ANK2: variants seen among roughly 807,000 people sequenced by gnomAD.
ANK2 encodes the protein ankyrin 2, also known as ankyrin-2.
A neutral mutation model predicts 360.5 loss-of-function variants in ANK2; 83 were observed. The observed-to-expected ratio is 0.23, with a 90% CI of 0.19 to 0.28. The LOEUF (loss-of-function observed/expected upper bound fraction) is 0.28, where lower values mean the gene tolerates loss of function less well. Ranked by LOEUF, ANK2 falls within the 10% of genes least tolerant of loss-of-function variation. ANK2 has a pLI of 1.00. For synonymous variants in ANK2, 1,740 were observed against 1,759.5 expected, an observed-to-expected ratio of 0.99 and a Z score of 0.28; for missense variants, 4,201 against 4,795.7, an observed-to-expected ratio of 0.88 and a Z score of 3.66.
Position 113,227,456 on chromosome 4 carries a change from C to A in ANK2, c.385-4705C>A, listed in dbSNP as rs79146785. Among the ~76,000 whole-genome samples the A allele has an allele frequency of 2.5e-3, 388 of 152,268 alleles. 2 individuals carry two copies. The highest frequency in any genetic ancestry group is 8.6e-3 in the African/African-American group (359 of 41,552). On this transcript the variant is annotated intron_variant, in intron 4 of 45. Coordinates refer to ENST00000357077, the MANE Select transcript of ANK2 (RefSeq NM_001148.6). ...ATGGTACTTCCTACCAAAATACATT[C>A]AACTTTTCTGCATCACCTATAACAA...
chr4:112,958,332 C>G (rs1487693418), intron 2 of ANK2, among the ~76,000 whole-genome samples: 1 of 152,238 alleles, frequency 6.6e-6, no homozygotes, highest in Non-Finnish European at 1.5e-5. Flanking sequence ...CAGACTCCAT[C>G]TGCAATCCCG....
the ANK2 span, among the ~76,000 whole-genome samples, chr4:112,719,089 C>G: frequency 1.3e-5 from 2 of 152,204 alleles, no homozygotes; most frequent in East Asian, 1.9e-4. Context: ...TGTGTCAGCT[C>G]TGTGACAAAT....
chr4:112,835,926 T>C (rs1437902127), intron 1 of ANK2, among the ~76,000 whole-genome samples: 1 of 152,142 alleles, frequency 6.6e-6, no homozygotes, highest in African/African-American at 2.4e-5. Flanking sequence ...TTCCCTAGGC[T>C]GTTTTCAGGA....
chr4:112,743,577 A>G, the ANK2 span, among the ~76,000 whole-genome samples: 1 of 91,668 alleles, frequency 1.1e-5, no homozygotes, highest in Non-Finnish European at 2.0e-5. Flanking sequence ...TTTTTTTGAG[A>G]CAGAGTTTCA....
intron 1 of ANK2, among the ~76,000 whole-genome samples, chr4:113,156,256 G>A (rs570784844): frequency 1.3e-5 from 2 of 150,450 alleles, no homozygotes; most frequent in South Asian, 4.2e-4. Context: ...CTTTTGTGTG[G>A]TATAGGCTAT....
intron 1 of ANK2, among the ~76,000 whole-genome samples, chr4:112,864,761 G>A (rs1039281674): frequency 6.6e-5 from 10 of 151,524 alleles, no homozygotes; most frequent in African/African-American, 2.4e-4. Context: ...AGCCGGGCGC[G>A]GTGGCTCAAG....
chr4:113,146,072 G>A, intron 1 of ANK2: 1 of 1,274,042 alleles, frequency 7.8e-7, no homozygotes. Context: ...AGACCTCATT[G>A]GTCAGACCTC....
chr4:113,340,843 C>T (rs1490962855), intron 32 of ANK2, among the ~76,000 whole-genome samples: 3 of 146,426 alleles, frequency 2.0e-5, no homozygotes, highest in Admixed American at 6.8e-5. Flanking sequence ...AGCGAGACAA[C>T]GTCTCAAAAA....
At chr4:113,200,310 C>T (rs13120716) in intron 4 of ANK2, among the ~76,000 whole-genome samples, 51,503 of 151,956 alleles carry the variant, frequency 0.34, 9,388 homozygotes, top group Non-Finnish European at 0.41. Context: ...GAGAAAGGTC[C>T]CTGCAGAAGC....
At position 113,285,025 on chromosome 4, in the gene ANK2, C is replaced by T. The variant is rs1193915995; in HGVS notation, c.2079+2153C>T. 3.3e-5 allele frequency among the ~76,000 whole-genome samples: 5 copies of T among 152,144 alleles called. No homozygotes were observed. The East Asian group carries it at 9.6e-4, about 29-fold the overall frequency. ...TAATCATTGTCCAAACACCATCTAT[C>T]ATAAAATAAAACCAAAAAAGATCCG... is the stretch of plus-strand genomic sequence containing the variant. On this transcript the variant is annotated intron_variant, in intron 18 of 45. Coordinates refer to ENST00000357077, the MANE Select transcript of ANK2 (RefSeq NM_001148.6).
At chr4:113,094,953 T>C (rs1312222214) in intron 1 of ANK2, among the ~76,000 whole-genome samples, 2 of 152,226 alleles carry the variant, frequency 1.3e-5, no homozygotes, top group Non-Finnish European at 1.5e-5. Flanking sequence ...ATGACTGGCC[T>C]CCAGTGGTGT....
At chr4:112,716,061 T>G in the ANK2 span, among the ~76,000 whole-genome samples, 23 of 152,116 alleles carry the variant, frequency 1.5e-4, no homozygotes, top group African/African-American at 5.6e-4. Flanking sequence ...CCTCTTCCCT[T>G]CCCCAAGGAC....
intron 4 of ANK2, among the ~76,000 whole-genome samples, chr4:113,216,218 G>T (rs376323863): frequency 6.6e-6 from 1 of 152,094 alleles, no homozygotes; most frequent in African/African-American, 2.4e-5. Flanking sequence ...AAATTATTTG[G>T]CAGTTTATTG....
chr4:112,968,559 C>T (rs2038221543), intron 2 of ANK2, among the ~76,000 whole-genome samples: 1 of 152,196 alleles, frequency 6.6e-6, no homozygotes, highest in Non-Finnish European at 1.5e-5. Flanking sequence ...TGCAAAGGCA[C>T]ATTCCCTGTA....
chr4:113,091,013 A>G (rs2087730431), intron 1 of ANK2, among the ~76,000 whole-genome samples: 1 of 152,176 alleles, frequency 6.6e-6, no homozygotes, highest in Non-Finnish European at 1.5e-5. Flanking sequence ...ATCAGTGACA[A>G]AGGATTGAGA....
intron 2 of ANK2, among the ~76,000 whole-genome samples, chr4:113,022,857 A>G (rs1300706444): frequency 6.6e-6 from 1 of 152,216 alleles, no homozygotes; most frequent in Admixed American, 6.5e-5. Context: ...TAATCAATAC[A>G]ATGAAGTTAC....
rs767793694 is a variant in ANK2, at chr4:113,343,019, G to A, written c.4125G>A (p.Val1375=). The change falls in exon 34 of 46, where the codon GTG becomes GTA. Residue 1375 remains valine (V), a splice_region_variant and synonymous_variant. Coordinates refer to ENST00000357077, the MANE Select transcript of ANK2 (RefSeq NM_001148.6). The part of the protein sequence containing the change: ...AEVARSRDVE[V]LEGKPIYVDC... The stretch of plus-strand genomic sequence containing the variant: ...TATTTCTCTCTGTTTTCACTCAGGT[G>A]TTAGAAGGAAAACCCATCTACGTTG... 5.0e-6 allele frequency: 8 copies of A among 1,613,802 alleles called. No homozygotes were observed. The highest frequency in any genetic ancestry group is 1.3e-5 in the African/African-American group (1 of 74,932).
At chr4:113,213,754 A>G (rs947698880) in intron 4 of ANK2, among the ~76,000 whole-genome samples, 5 of 152,160 alleles carry the variant, frequency 3.3e-5, no homozygotes, top group Admixed American at 2.6e-4. Context: ...GCATCCAACT[A>G]GGAATATCAG....
chr4:113,170,366 T>C (rs2097902416), intron 1 of ANK2, among the ~76,000 whole-genome samples: 1 of 152,198 alleles, frequency 6.6e-6, no homozygotes, highest in Non-Finnish European at 1.5e-5. Flanking sequence ...CCATGTATGA[T>C]GAACAGATTC....
Sources: allele counts gnomAD v4.1 joint callset (sites outside exome capture counted in the v4.1 genomes callset), GRCh38; gene constraint gnomAD v4.1.1; transcripts MANE v1.5; gene names NCBI Gene and HGNC (gene_info 2026-07-23, HGNC 2026-07-21).